Variants in SLX9 observed in about 807,000 individuals in gnomAD.
SLX9 encodes ribosome biogenesis protein SLX9 homolog.
In SLX9, 19 loss-of-function variants were observed where a neutral mutation model predicts 20.8. That is an observed-to-expected ratio of 0.91 (90% CI 0.64 to 1.34). The LOEUF is 1.34. SLX9 is among the 40% of genes most tolerant of loss of function. SLX9 has a pLI of 0.00. For missense variants in SLX9, 299 were observed against 322.2 expected, an observed-to-expected ratio of 0.93 and a Z score of 0.55; for synonymous variants, 113 against 137.1, an observed-to-expected ratio of 0.82 and a Z score of 1.23.
intron 4 of SLX9, among the ~76,000 whole-genome samples, chr21:44,970,098 GA>G (rs372335265): frequency 1.3e-5 from 2 of 152,162 alleles, no homozygotes; most frequent in African/African-American, 4.8e-5. Context: ...GCTGGGTTGA[GA>G]CCCCCCCTCC....
At chr21:44,958,812 G>A (rs796217034) in intron 2 of SLX9, among the ~76,000 whole-genome samples, 17 of 152,320 alleles carry the variant, frequency 1.1e-4, no homozygotes, top group African/African-American at 3.8e-4. Flanking sequence ...TGGTGCCATG[G>A]CAATGGGGCT....
chr21:44,947,026 G>C (rs548428000), intron 2 of SLX9, among the ~76,000 whole-genome samples: 2 of 152,318 alleles, frequency 1.3e-5, no homozygotes, highest in East Asian at 3.9e-4. Flanking sequence ...TCAGGCCTCC[G>C]AGGTATCCAG....
chr21:44,969,363 C>T (rs2085101160), intron 4 of SLX9: 2 of 390,382 alleles, frequency 5.1e-6, no homozygotes, highest in Non-Finnish European at 1.1e-5. Flanking sequence ...TCAGTTTTCT[C>T]ATCTGAAAAA....
chr21:44,949,340 G>A (rs1215056446), intron 2 of SLX9, among the ~76,000 whole-genome samples: 3 of 152,030 alleles, frequency 2.0e-5, no homozygotes, highest in Non-Finnish European at 2.9e-5. Flanking sequence ...AGGAGTGTCG[G>A]GCCTGGCAGT....
intron 2 of SLX9, among the ~76,000 whole-genome samples, chr21:44,949,908 C>T (rs1013851925): frequency 6.6e-6 from 1 of 152,212 alleles, no homozygotes; most frequent in African/African-American, 2.4e-5. Context: ...GGCTTCCTGG[C>T]CGTCCCTCTG....
At chr21:44,947,043 C>T (rs956529169) in intron 2 of SLX9, among the ~76,000 whole-genome samples, 4 of 152,318 alleles carry the variant, frequency 2.6e-5, no homozygotes, top group Admixed American at 2.0e-4. Flanking sequence ...CCAGGCGCCT[C>T]AGTGGGGTCC....
intron 1 of SLX9, among the ~76,000 whole-genome samples, chr21:44,941,573 C>G (rs2084549327): frequency 6.6e-6 from 1 of 152,062 alleles, no homozygotes; most frequent in Admixed American, 6.6e-5. Flanking sequence ...TGCCTTTTAC[C>G]ACTGGATACC....
intron 1 of SLX9, among the ~76,000 whole-genome samples, chr21:44,941,175 C>T (rs542537149): frequency 1.3e-5 from 2 of 152,312 alleles, no homozygotes; most frequent in Admixed American, 6.5e-5. Flanking sequence ...GACACGGTCT[C>T]TTTTAGTCCT....
chr21:44,960,212 C>A, intron 3 of SLX9, 44 bp downstream of exon 3: 2 of 1,568,076 alleles, frequency 1.3e-6, no homozygotes, highest in South Asian at 1.1e-5. Context: ...GGCCCAAGTC[C>A]CATCCCGTGG....
Position 44,940,080 on chromosome 21 carries a change from G to A in SLX9, c.23G>A (p.Arg8His), listed in dbSNP as rs1165442669. 1.4e-6 allele frequency: 2 copies of A among 1,458,270 alleles called. No homozygotes were observed. Among genetic ancestry groups the A allele is most frequent in the Non-Finnish European group, 1.8e-6 (2 of 1,103,656 alleles). The allele number at this position is 1,458,270 out of a possible 1,614,324, so 90.3% of individuals were successfully genotyped here. Reference protein sequence around the residue: MGKVRGLRARVHQAAVRP... With the variant: MGKVRGLHARVHQAAVRP... ...AAGATGGGGAAAGTGAGGGGGTTGC[G>A]CGCCCGAGTGCACCAGGCTGCCGTG... Residue 8 changes from arginine to histidine, a missense_variant, in exon 1 of 6, where the codon CGC becomes CAC. By Grantham distance (29) the Arg-to-His change is conservative. Transcript: ENST00000291634.
intron 2 of SLX9, among the ~76,000 whole-genome samples, chr21:44,950,668 C>T (rs2084740747): frequency 6.6e-6 from 1 of 152,244 alleles, no homozygotes; most frequent in Admixed American, 6.5e-5. Context: ...TGGCGCTTCT[C>T]AGGCCCATGG....
intron 3 of SLX9, among the ~76,000 whole-genome samples, chr21:44,962,914 T>A (rs539240846): frequency 1.3e-5 from 2 of 152,256 alleles, no homozygotes; most frequent in Admixed American, 1.3e-4. Flanking sequence ...CAAAAGAGCA[T>A]TTACATGTGC....
chr21:44,948,918 C>T (rs910820567), intron 2 of SLX9, among the ~76,000 whole-genome samples: 4 of 152,322 alleles, frequency 2.6e-5, no homozygotes, highest in East Asian at 1.9e-4. Flanking sequence ...GTGTGGGGTC[C>T]GGCCATTGCA....
intron 2 of SLX9, among the ~76,000 whole-genome samples, chr21:44,946,575 A>G (rs932946495): frequency 6.6e-6 from 1 of 152,190 alleles, no homozygotes; most frequent in African/African-American, 2.4e-5. Context: ...TTGGTGCCCC[A>G]GGGGGATTCA....
intron 1 of SLX9, among the ~76,000 whole-genome samples, chr21:44,941,182 T>C (rs1340815759): frequency 6.6e-6 from 1 of 152,222 alleles, no homozygotes; most frequent in Non-Finnish European, 1.5e-5. Context: ...TCTCTTTTAG[T>C]CCTTAGAAAT....
chr21:44,951,094 T>C (rs1029056938), intron 2 of SLX9, among the ~76,000 whole-genome samples: 10 of 152,230 alleles, frequency 6.6e-5, no homozygotes, highest in African/African-American at 2.4e-4. Context: ...AAAAATGGTT[T>C]AAACACACAG....
In SLX9 at chr21:44,940,180, G is replaced by T; in HGVS notation, c.123G>T (p.Ala41=). The change falls in exon 1 of 6, where the codon GCG becomes GCT. Residue 41 remains alanine (A), a synonymous_variant. Coordinates refer to ENST00000291634, the MANE Select transcript of SLX9 (RefSeq NM_058190.4). The stretch of plus-strand genomic sequence containing the variant: ...CGACCCCTCCGCCGGCCTCGGCCGC[G>T]GGGAAGGTGAGCTGGGGAGGCGCTG... ...PEATPPPASA[A]GKDWAFINTN... 1.6e-6 allele frequency: 2 copies of T among 1,263,450 alleles called. No individual in the cohort carries two copies. The highest frequency in any genetic ancestry group is 1.0e-6 in the Non-Finnish European group (1 of 1,000,998). 78.3% of individuals were successfully genotyped at this position (1,263,450 alleles called of 1,614,324 possible). A position where few individuals can be genotyped will look rare whatever the true frequency, so the allele number is the denominator to read the frequency against.
intron 4 of SLX9, among the ~76,000 whole-genome samples, chr21:44,970,596 G>C (rs1009572849): frequency 6.6e-6 from 1 of 152,212 alleles, no homozygotes; most frequent in East Asian, 1.9e-4. Context: ...GCGGCGGGCC[G>C]TGTCTCTGGG....
intron 4 of SLX9, chr21:44,972,947 C>A: frequency 3.5e-6 from 2 of 576,806 alleles, no homozygotes; most frequent in Non-Finnish European, 6.2e-6. Context: ...TTGGGGCCCG[C>A]GGTCACAGGA....
Sources: allele counts gnomAD v4.1 joint callset (sites outside exome capture counted in the v4.1 genomes callset), GRCh38; gene constraint gnomAD v4.1.1; transcripts MANE v1.5; gene names NCBI Gene and HGNC (gene_info 2026-07-23, HGNC 2026-07-21).